JARID2: variants seen among roughly 807,000 people sequenced by gnomAD.
JARID2 encodes the protein jumonji and AT-rich interaction domain containing 2.
JARID2 carries 21 observed loss-of-function variants against 125.6 expected under a neutral mutation model. The observed-to-expected ratio is 0.17, with a 90% CI of 0.12 to 0.24. JARID2 has a LOEUF of 0.24. JARID2 is among the 10% of genes least tolerant of loss of function. The probability of loss-of-function intolerance (pLI) is 1.00; values close to 1 mark genes in which losing one functional copy is unlikely to be tolerated. For synonymous variants in JARID2, 736 were observed against 661.6 expected (o/e 1.11, Z -1.73); for missense variants, 1,303 against 1,639.6 (o/e 0.79, Z 3.55).
chr6:15,406,509 G>T (rs533243207), intron 2 of JARID2, among the ~76,000 whole-genome samples: 2 of 152,244 alleles, frequency 1.3e-5, no homozygotes, highest in South Asian at 4.1e-4. Context: ...CCCATTTTAT[G>T]AATCTGGAAC....
chr6:15,461,938 T>C (rs1340984479), intron 4 of JARID2, among the ~76,000 whole-genome samples: 1 of 151,914 alleles, frequency 6.6e-6, no homozygotes, highest in Admixed American at 6.6e-5. Context: ...AAGATGAGCA[T>C]GATTGGATAG....
chr6:15,382,985 CTG>C (rs1254018006), intron 2 of JARID2, among the ~76,000 whole-genome samples: 2 of 152,130 alleles, frequency 1.3e-5, no homozygotes, highest in Admixed American at 6.5e-5. Flanking sequence ...GTAGTGGAGT[CTG>C]TATGTGTAGG....
At chr6:15,458,413 A>AT (rs1768290060) in intron 4 of JARID2, among the ~76,000 whole-genome samples, 2 of 152,142 alleles carry the variant, frequency 1.3e-5, no homozygotes, top group Non-Finnish European at 1.5e-5. Context: ...AGAGAGTGTT[A>AT]TTATGGGGAG....
intron 16 of JARID2, among the ~76,000 whole-genome samples, chr6:15,516,654 A>T (rs1044547687): frequency 6.6e-6 from 1 of 152,178 alleles, no homozygotes; most frequent in East Asian, 1.9e-4. Flanking sequence ...CCACTCATGG[A>T]CCACCATGAG....
chr6:15,481,925 C>T (rs559711687), intron 5 of JARID2, among the ~76,000 whole-genome samples: 12 of 152,326 alleles, frequency 7.9e-5, no homozygotes, highest in African/African-American at 2.2e-4. Context: ...GCCTCCCTCT[C>T]GTCTCCGTTT....
intron 5 of JARID2, among the ~76,000 whole-genome samples, chr6:15,481,004 AGT>A (rs1010294038): frequency 3.9e-5 from 6 of 152,244 alleles, no homozygotes; most frequent in African/African-American, 1.4e-4. Flanking sequence ...CCCCTAGGAA[AGT>A]GTATCTCTCT....
chr6:15,437,310 C>T (rs138000213), intron 3 of JARID2, among the ~76,000 whole-genome samples: 1 of 152,136 alleles, frequency 6.6e-6, no homozygotes, highest in Non-Finnish European at 1.5e-5. Context: ...CTGTTCAGAC[C>T]TGAAAGGCAG....
chr6:15,278,183 G>C (rs1237186374), intron 1 of JARID2, among the ~76,000 whole-genome samples: 1 of 146,206 alleles, frequency 6.8e-6, no homozygotes, highest in Non-Finnish European at 1.5e-5. Context: ...GGTGAGCTGA[G>C]ATTGTGCCAC....
At chr6:15,443,131 A>C (rs1227912726) in intron 3 of JARID2, among the ~76,000 whole-genome samples, 3 of 150,548 alleles carry the variant, frequency 2.0e-5, no homozygotes, top group Non-Finnish European at 4.4e-5. Flanking sequence ...CCTGTTTTCC[A>C]CTTTAGTATT....
chr6:15,439,031 C>CAA (rs754404770), intron 3 of JARID2, among the ~76,000 whole-genome samples: 10,663 of 85,496 alleles, frequency 0.12, 574 homozygotes, highest in Middle Eastern at 0.21. Context: ...GACTCTGTCT[C>CAA]AAAAAAAAAA....
At chr6:15,424,133 CTT>C (rs66481311) in intron 3 of JARID2, among the ~76,000 whole-genome samples, 66 of 141,104 alleles carry the variant, frequency 4.7e-4, no homozygotes, top group African/African-American at 6.3e-4. Context: ...CTGGCTGCCT[CTT>C]TTTTTTTTTT....
intron 1 of JARID2, among the ~76,000 whole-genome samples, chr6:15,251,337 T>C (rs550930919): frequency 6.6e-6 from 1 of 152,326 alleles, no homozygotes; most frequent in East Asian, 1.9e-4. Context: ...TTTAAGCTAG[T>C]GGTTTGCCCT....
intron 8 of JARID2, 70 bp downstream of exon 8, chr6:15,501,479 G>A (rs948986219): frequency 1.9e-4 from 266 of 1,434,434 alleles, no homozygotes; most frequent in African/African-American, 2.4e-4. Context: ...GAAGTGGAGC[G>A]TGCTATGCAC....
chr6:15,343,809 TGA>T (rs1763152866), intron 1 of JARID2, among the ~76,000 whole-genome samples: 1 of 152,168 alleles, frequency 6.6e-6, no homozygotes, highest in East Asian at 1.9e-4. Flanking sequence ...GTGCTGGTGG[TGA>T]GTTGTTAGAT....
intron 1 of JARID2, among the ~76,000 whole-genome samples, chr6:15,262,738 A>G (rs1372496818): frequency 6.6e-6 from 1 of 151,876 alleles, no homozygotes; most frequent in Non-Finnish European, 1.5e-5. Context: ...GGGTTTCACC[A>G]CGATGGCCAG....
intron 3 of JARID2, among the ~76,000 whole-genome samples, chr6:15,411,731 A>T (rs936328346): frequency 2.6e-5 from 4 of 152,240 alleles, no homozygotes; most frequent in Non-Finnish European, 5.9e-5. Context: ...CATGCCTCCA[A>T]CATGGGCATC....
chr6:15,518,761 C>T (rs1020507807), intron 17 of JARID2, among the ~76,000 whole-genome samples: 6 of 152,206 alleles, frequency 3.9e-5, no homozygotes, highest in South Asian at 2.1e-4. Context: ...GGATTACAGG[C>T]GTGAGCCACC....
intron 17 of JARID2, among the ~76,000 whole-genome samples, chr6:15,518,030 T>A (rs1771648859): frequency 6.6e-6 from 1 of 152,230 alleles, no homozygotes; most frequent in Non-Finnish European, 1.5e-5. Flanking sequence ...TGGATAAGCC[T>A]TGAGCTAAAT....
At chr6:15,474,490 G>A (rs1439620445) in intron 5 of JARID2, among the ~76,000 whole-genome samples, 1 of 146,110 alleles carries the variant, frequency 6.8e-6, no homozygotes, top group Non-Finnish European at 1.5e-5. Context: ...CTACTCGTTA[G>A]CTTGTGTGTT....
Sources: gnomAD v4.1 joint callset for allele counts (sites outside exome capture counted in the v4.1 genomes callset) on GRCh38, gnomAD v4.1.1 for gene constraint, MANE v1.5 for transcripts, NCBI Gene and HGNC (gene_info 2026-07-23, HGNC 2026-07-21) for gene names.